MYO5B: variants seen among roughly 807,000 people sequenced by gnomAD.
MYO5B encodes the protein unconventional myosin-Vb.
In MYO5B, 143 loss-of-function variants were observed where a neutral mutation model predicts 229.3. The observed-to-expected ratio is 0.62, with a 90% CI of 0.54 to 0.72. MYO5B has a LOEUF of 0.72. Ranked by LOEUF, MYO5B falls within the 30% of genes least tolerant of loss-of-function variation. MYO5B has a pLI of 0.00. For synonymous variants in MYO5B, 918 were observed against 885.2 expected (o/e 1.04, Z -0.66); for missense variants, 2,321 against 2,331.0 (o/e 1.00, Z 0.09).
chr18:50,086,187 C>T (rs1364328827), intron 1 of MYO5B, among the ~76,000 whole-genome samples: 1 of 152,122 alleles, frequency 6.6e-6, no homozygotes, highest in Non-Finnish European at 1.5e-5. Context: ...CCTATTTCTA[C>T]TCACTCCAGA....
intron 17 of MYO5B, among the ~76,000 whole-genome samples, chr18:49,929,144 A>G (rs1442851901): frequency 6.6e-6 from 1 of 152,212 alleles, no homozygotes; most frequent in East Asian, 1.9e-4. Flanking sequence ...TTAAGATGGT[A>G]AATACATATA....
At chr18:50,011,355 G>A (rs1454995019) in intron 4 of MYO5B, among the ~76,000 whole-genome samples, 1 of 152,150 alleles carries the variant, frequency 6.6e-6, no homozygotes, top group Non-Finnish European at 1.5e-5. Flanking sequence ...GGTGGCCTCT[G>A]AGGTGATCTC....
rs369933104 is a variant in MYO5B at position 49,956,215 on chromosome 18, T to C, written c.1546-1780A>G. On this transcript the variant is annotated intron_variant, in intron 12 of 39. Transcript: ENST00000285039. ...GATCAAGAGTCTCAGATGATACTCA[T>C]AGCTAGTGCTTATTGTTTGCCAGGC... Among the ~76,000 whole-genome samples the C allele has an allele frequency of 3.9e-5, 6 of 152,366 alleles. 1 individual carries two copies. Among genetic ancestry groups the C allele is most frequent in the Admixed American group, 6.5e-5 (1 of 15,306 alleles).
chr18:49,832,592 G>A (rs1489491661), intron 39 of MYO5B, among the ~76,000 whole-genome samples: 1 of 152,192 alleles, frequency 6.6e-6, no homozygotes, highest in East Asian at 1.9e-4. Context: ...AATGAAGTCA[G>A]CTGGAGCATG....
chr18:49,846,832 G>A (rs947490441), intron 33 of MYO5B, among the ~76,000 whole-genome samples: 5 of 152,136 alleles, frequency 3.3e-5, no homozygotes, highest in African/African-American at 9.7e-5. Flanking sequence ...GCTGCACCAA[G>A]GAAAGGGGGC....
rs2144147488 is a variant in MYO5B at position 49,904,720 on chromosome 18, A to G, written c.2523T>C (p.Val841=). Residue 841 remains valine (V), a synonymous_variant, in exon 20 of 40, where the codon GTT becomes GTC. Transcript: ENST00000285039. ...AYQRVRRAAV[V]IQAFTRAMFV... ...ACATGGCCCGGGTGAAGGCCTGGAT[A>G]ACAACGGCAGCTCTGCGGACCCTCT... 6.8e-6 allele frequency: 11 copies of G among 1,614,076 alleles called. No homozygotes were observed. Among genetic ancestry groups the G allele is most frequent in the Non-Finnish European group, 7.6e-6 (9 of 1,180,024 alleles).
At position 49,929,660 on chromosome 18, in the gene MYO5B, A is replaced by G. The variant is rs535943655; in HGVS notation, c.2004-62T>C. 1.1e-4 allele frequency: 149 copies of G among 1,398,784 alleles called. No homozygotes were observed. The African/African-American group carries it at 2.0e-3, about 18-fold the overall frequency. The allele number at this position is 1,398,784 out of a possible 1,614,324, so 86.6% of individuals were successfully genotyped here. A position where few individuals can be genotyped will look rare whatever the true frequency, so the allele number is the denominator to read the frequency against. On this transcript the variant is annotated intron_variant, in intron 16 of 39. Coordinates refer to ENST00000285039, the MANE Select transcript of MYO5B (RefSeq NM_001080467.3). ...AGAGATGAGTGGCCACATTTGCAAA[A>G]AAGAAACAAAAAAGAATCTTTTCCT... is the stretch of plus-strand genomic sequence containing the variant.
chr18:50,072,460 G>A (rs2030980065), intron 1 of MYO5B, among the ~76,000 whole-genome samples: 1 of 152,104 alleles, frequency 6.6e-6, no homozygotes, highest in Non-Finnish European at 1.5e-5. Context: ...AATGAGGGTT[G>A]GTGGTGTGAA....
chr18:49,936,478 T>C, intron 15 of MYO5B, 129 bp from the exon 16 acceptor site: 2 of 767,288 alleles, frequency 2.6e-6, no homozygotes, highest in Non-Finnish European at 4.5e-6. Context: ...ATGGAAGAAA[T>C]TTCAGAGACC....
intron 16 of MYO5B, among the ~76,000 whole-genome samples, chr18:49,932,567 A>G (rs1294954318): frequency 6.6e-6 from 1 of 152,194 alleles, no homozygotes; most frequent in Admixed American, 6.5e-5. Flanking sequence ...TTTGGGCAAG[A>G]CACAGTCTCT....
intron 1 of MYO5B, among the ~76,000 whole-genome samples, chr18:50,073,741 C>T (rs2031013595): frequency 6.6e-6 from 1 of 152,056 alleles, no homozygotes; most frequent in African/African-American, 2.4e-5. Flanking sequence ...TCCTTTCCTA[C>T]CCCTCACCTG....
At chr18:49,979,282 C>A (rs2025788561) in intron 9 of MYO5B, among the ~76,000 whole-genome samples, 1 of 152,190 alleles carries the variant, frequency 6.6e-6, no homozygotes, top group South Asian at 2.1e-4. Context: ...CTACCAGCAC[C>A]AACACCTCCT....
intron 18 of MYO5B, 59 bp downstream of exon 18, chr18:49,912,003 C>A (rs570440321): frequency 5.4e-6 from 7 of 1,286,408 alleles, no homozygotes; most frequent in South Asian, 4.7e-5. Context: ...ACGACGCCAC[C>A]CCCTCAATCT....
chr18:49,872,660 C>T (rs780888856), intron 26 of MYO5B, among the ~76,000 whole-genome samples: 8 of 152,082 alleles, frequency 5.3e-5, no homozygotes, highest in Non-Finnish European at 1.2e-4. Context: ...CGGAAGACGA[C>T]ACAGGGAAGA....
intron 1 of MYO5B, among the ~76,000 whole-genome samples, chr18:50,067,271 A>C (rs1220264834): frequency 6.6e-6 from 1 of 152,222 alleles, no homozygotes; most frequent in Non-Finnish European, 1.5e-5. Context: ...GTTATGAAGT[A>C]AATGGGAAGA....
At chr18:49,921,646 A>G (rs562385763) in intron 17 of MYO5B, among the ~76,000 whole-genome samples, 1 of 152,338 alleles carries the variant, frequency 6.6e-6, no homozygotes, top group Non-Finnish European at 1.5e-5. Context: ...CCCGGCAGCT[A>G]CTGCTGTCCT....
At chr18:50,169,884 G>A (rs2032902162) in intron 1 of MYO5B, among the ~76,000 whole-genome samples, 1 of 126,052 alleles carries the variant, frequency 7.9e-6, no homozygotes, top group Non-Finnish European at 1.7e-5. Flanking sequence ...GATGAGCAAG[G>A]TTAGCAGGAC....
chr18:49,930,050 G>A (rs1161066910), intron 16 of MYO5B, among the ~76,000 whole-genome samples: 2 of 152,182 alleles, frequency 1.3e-5, no homozygotes, highest in Non-Finnish European at 2.9e-5. Context: ...GGCAGATCTG[G>A]GTTTCAATCA....
intron 29 of MYO5B, among the ~76,000 whole-genome samples, chr18:49,860,014 A>T (rs1428385618): frequency 1.3e-5 from 2 of 152,168 alleles, no homozygotes; most frequent in African/African-American, 2.4e-5. Flanking sequence ...TAATAACCCC[A>T]GGTGCGCCCG....
Sources: allele counts gnomAD v4.1 joint callset (sites outside exome capture counted in the v4.1 genomes callset), GRCh38; gene constraint gnomAD v4.1.1; transcripts MANE v1.5; gene names NCBI Gene and HGNC (gene_info 2026-07-23, HGNC 2026-07-21).